Variants in CNTN5 observed in about 807,000 individuals in gnomAD.
CNTN5 encodes contactin 5, also known as contactin-5.
Under a neutral mutation model 129.1 loss-of-function variants are expected in CNTN5, and 77 were observed. That is an observed-to-expected ratio of 0.60 (90% CI 0.50 to 0.72). The LOEUF is 0.72. Ranked by LOEUF, CNTN5 falls within the 30% of genes least tolerant of loss-of-function variation. CNTN5 has a pLI of 0.00. For synonymous variants in CNTN5, 509 were observed against 465.6 expected, an observed-to-expected ratio of 1.09 and a Z score of -1.20; for missense variants, 1,478 against 1,328.8, an observed-to-expected ratio of 1.11 and a Z score of -1.75.
At chr11:99,682,791 T>C (rs1231969253) in intron 3 of CNTN5, among the ~76,000 whole-genome samples, 5 of 151,830 alleles carry the variant, frequency 3.3e-5, no homozygotes, top group African/African-American at 1.2e-4. Context: ...ACAACAAACC[T>C]AATATGAGAG....
intron 21 of CNTN5, among the ~76,000 whole-genome samples, chr11:100,312,783 A>G (rs547343386): frequency 7.2e-4 from 109 of 152,240 alleles, no homozygotes; most frequent in Non-Finnish European, 1.2e-3. Flanking sequence ...AGCATTAACT[A>G]TGAACCACTT....
Position 99,558,639 on chromosome 11 carries a change from C to A in CNTN5, c.55+2370C>A, listed in dbSNP as rs554026699. 1.6e-3 allele frequency among the ~76,000 whole-genome samples: 242 copies of A among 152,076 alleles called. 1 individual carries two copies. Among genetic ancestry groups the A allele is most frequent in the Middle Eastern group, 6.8e-3 (2 of 294 alleles). ...TGGAAACAAACACAAAAATACTCAG[C>A]CTGATATGGGGTCCATGATCCCTAG... On this transcript the variant is annotated intron_variant, in intron 3 of 24. Coordinates refer to ENST00000524871, the MANE Select transcript of CNTN5 (RefSeq NM_014361.4).
chr11:100,269,392 A>G (rs1950366361), intron 17 of CNTN5, among the ~76,000 whole-genome samples: 1 of 152,186 alleles, frequency 6.6e-6, no homozygotes, highest in Non-Finnish European at 1.5e-5. Context: ...GAGTCAGAGA[A>G]ACTGAGCGAA....
chr11:100,155,915 G>A (rs1461002340), intron 13 of CNTN5, among the ~76,000 whole-genome samples: 1 of 152,108 alleles, frequency 6.6e-6, no homozygotes, highest in African/African-American at 2.4e-5. Context: ...CTGAGAAGAT[G>A]GGGTTTTCTA....
chr11:99,728,187 G>A (rs1176925571), intron 3 of CNTN5, among the ~76,000 whole-genome samples: 1 of 151,344 alleles, frequency 6.6e-6, no homozygotes, highest in Non-Finnish European at 1.5e-5. Flanking sequence ...AAAATATAGA[G>A]GAGTCTGATC....
At chr11:99,924,421 A>G (rs1950014203) in intron 7 of CNTN5, among the ~76,000 whole-genome samples, 1 of 152,166 alleles carries the variant, frequency 6.6e-6, no homozygotes, top group Non-Finnish European at 1.5e-5. Flanking sequence ...ATTTTTGTGT[A>G]TGATCAGAGA....
chr11:100,056,889 A>G (rs1943251183), intron 9 of CNTN5, among the ~76,000 whole-genome samples: 1 of 151,886 alleles, frequency 6.6e-6, no homozygotes, highest in Admixed American at 6.6e-5. Flanking sequence ...CATGAAAGCA[A>G]TATCTGAATG....
intron 2 of CNTN5, among the ~76,000 whole-genome samples, chr11:99,376,458 C>T (rs1193483286): frequency 6.6e-6 from 1 of 152,148 alleles, no homozygotes; most frequent in East Asian, 1.9e-4. Flanking sequence ...GTGTTTAAAA[C>T]TGAACATTGA....
rs1555171289 is a variant in CNTN5 at position 99,981,077 on chromosome 11, G to GAGATAGATAT, written c.878-20956_878-20955insGATAGATATA. Among the ~76,000 whole-genome samples, 10 of 57,594 alleles carry GAGATAGATAT rather than the reference G, an allele frequency of 1.7e-4. 1 individual carries two copies. The highest frequency in any genetic ancestry group is 9.7e-4 in the Admixed American group (5 of 5,162). The allele number at this position is 57,594 out of a possible 152,430, so 37.8% of individuals were successfully genotyped here. On this transcript the variant is annotated intron_variant, in intron 8 of 24. Transcript: ENST00000524871. ...TTTTATAGAGAGAAAGAGCCAATAG[G>GAGATAGATAT]ATATATATATATATATATATATATA...
At chr11:99,639,493 T>G (rs902299871) in intron 3 of CNTN5, among the ~76,000 whole-genome samples, 4 of 151,628 alleles carry the variant, frequency 2.6e-5, no homozygotes, top group Non-Finnish European at 2.9e-5. Flanking sequence ...CTGCAAATTT[T>G]CCAAACTTGT....
intron 3 of CNTN5, among the ~76,000 whole-genome samples, chr11:99,756,659 G>C (rs1944413269): frequency 6.6e-6 from 1 of 151,990 alleles, no homozygotes; most frequent in African/African-American, 2.4e-5. Context: ...GTAAATTTTA[G>C]CCTTGTCACC....
At chr11:100,055,387 T>A (rs1392323099) in intron 9 of CNTN5, among the ~76,000 whole-genome samples, 1 of 151,630 alleles carries the variant, frequency 6.6e-6, no homozygotes, top group Non-Finnish European at 1.5e-5. Context: ...TATTTGTGTT[T>A]TTTCTTACCA....
At chr11:100,285,191 A>G (rs548150708) in intron 18 of CNTN5, among the ~76,000 whole-genome samples, 1 of 152,356 alleles carries the variant, frequency 6.6e-6, no homozygotes, top group Admixed American at 6.5e-5. Flanking sequence ...AAATTTACAA[A>G]CTAGTAATCA....
rs114058487 is a variant in CNTN5 at position 99,138,792 on chromosome 11, A to G, written c.-210+117522A>G. Among the ~76,000 whole-genome samples, 1,282 of 152,312 alleles carry G rather than the reference A, an allele frequency of 8.4e-3. 21 individuals are homozygous for G. Among genetic ancestry groups the G allele is most frequent in the African/African-American group, 0.029 (1,190 of 41,572 alleles). On this transcript the variant is annotated intron_variant, in intron 1 of 24. Coordinates refer to ENST00000524871, the MANE Select transcript of CNTN5 (RefSeq NM_014361.4). ...TTGCTGAATACTTATATATTTCATT[A>G]GTATGAAGATACTGAAATGTAAACA...
chr11:99,146,131 T>A (rs1381664014), intron 1 of CNTN5, among the ~76,000 whole-genome samples: 1 of 152,122 alleles, frequency 6.6e-6, no homozygotes, highest in East Asian at 1.9e-4. Context: ...CCAGCAATTA[T>A]TGTCAAAATG....
intron 13 of CNTN5, among the ~76,000 whole-genome samples, chr11:100,105,154 G>A (rs1945378359): frequency 6.6e-6 from 1 of 152,190 alleles, no homozygotes; most frequent in Non-Finnish European, 1.5e-5. Flanking sequence ...GCGATTACTT[G>A]AAGCAAAAGC....
intron 3 of CNTN5, among the ~76,000 whole-genome samples, chr11:99,812,859 G>T (rs190043668): frequency 6.6e-6 from 1 of 152,078 alleles, no homozygotes; most frequent in Non-Finnish European, 1.5e-5. Flanking sequence ...AATACAAGAT[G>T]TTGGCAAGTT....
chr11:100,291,163 A>C (rs1284668864), intron 18 of CNTN5, among the ~76,000 whole-genome samples: 140 of 149,534 alleles, frequency 9.4e-4, no homozygotes, highest in East Asian at 4.4e-3. Context: ...GTTGGTGGGA[A>C]TGTAAACTAG....
chr11:99,212,395 A>G (rs1001605945), intron 1 of CNTN5, among the ~76,000 whole-genome samples: 2 of 152,104 alleles, frequency 1.3e-5, no homozygotes, highest in Non-Finnish European at 2.9e-5. Flanking sequence ...ATGATTTCTA[A>G]ATATTTCTTA....
Sources: gnomAD v4.1 joint callset for allele counts (sites outside exome capture counted in the v4.1 genomes callset) on GRCh38, gnomAD v4.1.1 for gene constraint, MANE v1.5 for transcripts, NCBI Gene and HGNC (gene_info 2026-07-23, HGNC 2026-07-21) for gene names.